The following ZNF407 variants were observed in gnomAD, a reference collection of about 807,000 sequenced individuals.
ZNF407 encodes zinc finger protein 407.
ZNF407 carries 17 observed loss-of-function variants against 131.2 expected under a neutral mutation model. The ratio of observed to expected loss-of-function variants is 0.13; its 90% CI spans 0.09 to 0.19. The LOEUF is 0.19. Ranked by LOEUF, ZNF407 falls within the 10% of genes least tolerant of loss-of-function variation. The pLI, the probability that ZNF407 is intolerant of heterozygous loss-of-function variation, is 1.00. For missense variants in ZNF407, 2,681 were observed against 2,830.6 expected, an observed-to-expected ratio of 0.95 and a Z score of 1.20; for synonymous variants, 1,156 against 1,062.0, an observed-to-expected ratio of 1.09 and a Z score of -1.72.
At chr18:75,031,308 A>G (rs1006857899) in intron 8 of ZNF407, among the ~76,000 whole-genome samples, 32 of 152,264 alleles carry the variant, frequency 2.1e-4, no homozygotes, top group Admixed American at 7.2e-4. Flanking sequence ...CTGGATTTCA[A>G]TAATATCCAT....
intron 4 of ZNF407, among the ~76,000 whole-genome samples, chr18:74,853,180 A>C (rs971257452): frequency 2.6e-5 from 4 of 152,194 alleles, no homozygotes; most frequent in Non-Finnish European, 5.9e-5. Flanking sequence ...GAATTGTCAG[A>C]GAGCTTGCAA....
chr18:74,985,010 A>G (rs2122124080), intron 8 of ZNF407, among the ~76,000 whole-genome samples: 1 of 152,266 alleles, frequency 6.6e-6, no homozygotes, highest in East Asian at 1.9e-4. Flanking sequence ...GCTCTCAGCA[A>G]TATAAATTAC....
At chr18:74,969,477 A>AT (rs1252195603) in intron 8 of ZNF407, among the ~76,000 whole-genome samples, 1 of 152,088 alleles carries the variant, frequency 6.6e-6, no homozygotes, top group Non-Finnish European at 1.5e-5. Context: ...TGGTGGTTTA[A>AT]TTTTTTATGC....
chr18:74,813,637 T>C (rs1331161283), intron 4 of ZNF407, among the ~76,000 whole-genome samples: 2 of 152,144 alleles, frequency 1.3e-5, no homozygotes, highest in East Asian at 1.9e-4. Context: ...GCCAGATGTG[T>C]GGCTGACCTG....
At chr18:75,059,128 T>C (rs1031096954) in intron 8 of ZNF407, among the ~76,000 whole-genome samples, 1 of 152,164 alleles carries the variant, frequency 6.6e-6, no homozygotes, top group African/African-American at 2.4e-5. Flanking sequence ...ATTTACCCAT[T>C]TAGTTTACAT....
At chr18:74,875,726 C>G (rs998549440) in intron 4 of ZNF407, among the ~76,000 whole-genome samples, 4 of 151,938 alleles carry the variant, frequency 2.6e-5, no homozygotes, top group Non-Finnish European at 5.9e-5. Flanking sequence ...AAGCAATGAT[C>G]CAATGATATA....
chr18:74,824,467 C>G (rs1032607120), intron 4 of ZNF407, among the ~76,000 whole-genome samples: 2 of 151,930 alleles, frequency 1.3e-5, no homozygotes, highest in African/African-American at 4.8e-5. Context: ...AGACCGCTAG[C>G]CTGACTAATA....
chr18:74,885,277 T>A (rs1167494937), intron 6 of ZNF407, among the ~76,000 whole-genome samples: 1 of 152,158 alleles, frequency 6.6e-6, no homozygotes, highest in African/African-American at 2.4e-5. Context: ...TAAGACACCA[T>A]ATTTAAAGAT....
intron 8 of ZNF407, among the ~76,000 whole-genome samples, chr18:74,976,888 C>T (rs897615206): frequency 6.8e-6 from 1 of 147,672 alleles, no homozygotes; most frequent in Non-Finnish European, 1.5e-5. Flanking sequence ...AGAATTTTCC[C>T]CTGATCTATG....
At chr18:74,995,130 C>T (rs185681953) in intron 8 of ZNF407, among the ~76,000 whole-genome samples, 11 of 152,234 alleles carry the variant, frequency 7.2e-5, no homozygotes, top group African/African-American at 2.4e-4. Context: ...GAATATTTAT[C>T]GAAGGCTGAC....
intron 4 of ZNF407, among the ~76,000 whole-genome samples, chr18:74,875,189 G>A (rs755064925): frequency 2.0e-4 from 30 of 152,104 alleles, no homozygotes; most frequent in Admixed American, 1.0e-3. Flanking sequence ...AGGTAATACC[G>A]GTTCTTTTTT....
At chr18:74,663,661 T>C (rs910978637) in intron 3 of ZNF407, among the ~76,000 whole-genome samples, 1 of 152,204 alleles carries the variant, frequency 6.6e-6, no homozygotes, top group African/African-American at 2.4e-5. Context: ...AGATAATGCC[T>C]AAAATAATTC....
chr18:75,064,327 CG>C lies in ZNF407; in HGVS notation c.6610del (p.Ala2204ProfsTer3). 1 of 1,596,262 alleles carries C rather than the reference CG, an allele frequency of 6.3e-7. No homozygotes were observed. The highest frequency in any genetic ancestry group is 8.5e-7 in the Non-Finnish European group (1 of 1,172,306). ...CGGACTCGCAGGAACTCCTGCAGGC[CG>C]GGGCCACGCTAGGCACAGAGGCCGG... The part of the protein sequence containing the change: ...TADSQELLQA[G>X]ATLGTEAGAP... On this transcript the variant is annotated frameshift_variant, in exon 9 of 9. Coordinates refer to ENST00000299687, the MANE Select transcript of ZNF407 (RefSeq NM_017757.3). LOFTEE classifies it low-confidence loss of function (END_TRUNC).
chr18:74,868,912 G>A (rs568945386), intron 4 of ZNF407, among the ~76,000 whole-genome samples: 1 of 152,292 alleles, frequency 6.6e-6, no homozygotes, highest in African/African-American at 2.4e-5. Context: ...AGGAATAGAT[G>A]TATTTTATTT....
At position 74,633,262 on chromosome 18, in the gene ZNF407, G is replaced by A; in HGVS notation, c.2243G>A (p.Gly748Glu). 1.9e-6 allele frequency: 3 copies of A among 1,613,476 alleles called. No homozygotes were observed. Among genetic ancestry groups the A allele is most frequent in the Non-Finnish European group, 2.5e-6 (3 of 1,179,748 alleles). The change falls in exon 2 of 9, where the codon GGA becomes GAA. Residue 748 changes from glycine (G) to glutamate (E), a missense_variant. Around this residue, in one of 6 missense-constraint regions of ZNF407, gnomAD observed 1,789 missense variants for 1,748.7 expected, o/e 1.02. Transcript: ENST00000299687. ...AATCTTTATTCATTGAGCAAAGAAG[G>A]AATGGAGAAACACATTAAAAGAAGC... is the stretch of plus-strand genomic sequence containing the variant. Reference protein sequence around the residue: ...ACNLYSLSKEGMEKHIKRSKH... With the variant: ...ACNLYSLSKEEMEKHIKRSKH...
intron 3 of ZNF407, among the ~76,000 whole-genome samples, chr18:74,649,337 A>G (rs529768908): frequency 1.3e-5 from 2 of 152,320 alleles, no homozygotes; most frequent in South Asian, 4.1e-4. Flanking sequence ...TAAATGTAAG[A>G]TGGTCTCTAG....
At chr18:74,714,640 GA>G (rs1967848019) in intron 3 of ZNF407, among the ~76,000 whole-genome samples, 1 of 152,016 alleles carries the variant, frequency 6.6e-6, no homozygotes, top group Non-Finnish European at 1.5e-5. Context: ...TTAAATCAAA[GA>G]ATTTTTAAAA....
intron 3 of ZNF407, among the ~76,000 whole-genome samples, chr18:74,645,247 T>C (rs1984916891): frequency 6.6e-6 from 1 of 151,906 alleles, no homozygotes; most frequent in Non-Finnish European, 1.5e-5. Context: ...TAAACTAGGG[T>C]TATTGTTTTT....
At chr18:74,822,647 A>G (rs1008274525) in intron 4 of ZNF407, among the ~76,000 whole-genome samples, 6 of 152,328 alleles carry the variant, frequency 3.9e-5, no homozygotes, top group African/African-American at 1.2e-4. Flanking sequence ...TACCAGTACC[A>G]TGCTATTTTG....
Sources: allele counts gnomAD v4.1 joint callset (sites outside exome capture counted in the v4.1 genomes callset), GRCh38; gene constraint gnomAD v4.1.1; regional missense constraint gnomAD v4.1.1; transcripts MANE v1.5; gene names NCBI Gene and HGNC (gene_info 2026-07-23, HGNC 2026-07-21).